KLHL1: variants seen among roughly 807,000 people sequenced by gnomAD.
The protein encoded by KLHL1 is kelch like family member 1, also known as kelch-like protein 1.
In KLHL1, 47 loss-of-function variants were observed where a neutral mutation model predicts 77.7. That is an observed-to-expected ratio of 0.60 (90% CI 0.48 to 0.77). KLHL1 has a LOEUF of 0.77. KLHL1 is among the 30% of genes least tolerant of loss of function. The pLI, the probability that KLHL1 is intolerant of heterozygous loss-of-function variation, is 0.00. For synonymous variants in KLHL1, 360 were observed against 325.2 expected (o/e 1.11, Z -1.15); for missense variants, 925 against 910.8 (o/e 1.02, Z -0.20).
intron 4 of KLHL1, among the ~76,000 whole-genome samples, chr13:69,923,220 A>G (rs1882701840): frequency 6.6e-6 from 1 of 152,240 alleles, no homozygotes; most frequent in Admixed American, 6.5e-5. Flanking sequence ...TCAAATAGAT[A>G]TAGTTCATTA....
chr13:69,785,589 A>G, intron 7 of KLHL1, among the ~76,000 whole-genome samples: 1 of 128,146 alleles, frequency 7.8e-6, no homozygotes, highest in African/African-American at 3.1e-5. Flanking sequence ...CTAAGATCAC[A>G]ATTAAAAACT....
At position 69,941,043 on chromosome 13, in the gene KLHL1, GTACAATTGTATA is replaced by G. The variant is rs1251874417; in HGVS notation, c.818-819_818-808del. On this transcript the variant is annotated intron_variant, in intron 3 of 10. Coordinates refer to ENST00000377844, the MANE Select transcript of KLHL1 (RefSeq NM_020866.3). ...TACAAGTTGTATAACTTGTATAATT[GTACAATTGTATA>G]TACAATTGTATATAATTGTATAACA... 2.6e-5 allele frequency among the ~76,000 whole-genome samples: 4 copies of G among 151,730 alleles called. 1 individual carries two copies. The South Asian group carries it at 6.2e-4, about 24-fold the overall frequency.
chr13:70,045,682 A>AGAGTTT (rs1886477668), intron 1 of KLHL1, among the ~76,000 whole-genome samples: 1 of 152,176 alleles, frequency 6.6e-6, no homozygotes, highest in African/African-American at 2.4e-5. Context: ...TTATAAACAC[A>AGAGTTT]TATGGAGTTT....
intron 1 of KLHL1, among the ~76,000 whole-genome samples, chr13:70,097,775 G>A (rs981936579): frequency 1.3e-5 from 2 of 151,776 alleles, no homozygotes; most frequent in African/African-American, 2.4e-5. Flanking sequence ...TGTTGGTGAT[G>A]TAAAAACTCG....
At chr13:69,740,028 C>A (rs917857625) in intron 8 of KLHL1, among the ~76,000 whole-genome samples, 29 of 152,052 alleles carry the variant, frequency 1.9e-4, no homozygotes, top group African/African-American at 7.0e-4. Context: ...GTTGAGAATT[C>A]TTGATTTAGA....
intron 5 of KLHL1, among the ~76,000 whole-genome samples, chr13:69,855,305 T>C (rs1414017126): frequency 2.9e-5 from 3 of 103,482 alleles, no homozygotes; most frequent in African/African-American, 1.2e-4. Context: ...GATAGATAGA[T>C]AGATAGATAG....
rs538479864 is a variant in KLHL1, at chr13:69,902,236, T to C, written c.1015-19741A>G. On this transcript the variant is annotated intron_variant, in intron 4 of 10. Transcript: ENST00000377844. The stretch of plus-strand genomic sequence containing the variant: ...TATGATCTGGAGATTTTTTAACTAA[T>C]GAAGTTTTAAATTTCTTTCATGTTT... 2.0e-5 allele frequency among the ~76,000 whole-genome samples: 3 copies of C among 152,312 alleles called. No homozygotes were observed. The South Asian group carries it at 6.2e-4, about 32-fold the overall frequency.
intron 1 of KLHL1, among the ~76,000 whole-genome samples, chr13:69,981,956 A>G (rs546014003): frequency 6.6e-6 from 1 of 152,196 alleles, no homozygotes; most frequent in South Asian, 2.1e-4. Context: ...TTTCAGAAAT[A>G]GGCAATATAA....
intron 7 of KLHL1, among the ~76,000 whole-genome samples, chr13:69,789,371 A>C (rs1469464337): frequency 1.3e-5 from 2 of 151,952 alleles, no homozygotes; most frequent in African/African-American, 4.8e-5. Flanking sequence ...ATTATTATTT[A>C]CTTTTTTTTT....
intron 10 of KLHL1, among the ~76,000 whole-genome samples, chr13:69,704,110 A>G (rs1189424722): frequency 2.0e-5 from 3 of 151,654 alleles, no homozygotes; most frequent in African/African-American, 7.2e-5. Context: ...TTAACTTTAT[A>G]TCTTCATCTA....
intron 9 of KLHL1, among the ~76,000 whole-genome samples, chr13:69,711,476 G>A (rs1340396913): frequency 6.6e-6 from 1 of 152,014 alleles, no homozygotes; most frequent in African/African-American, 2.4e-5. Context: ...AATCGAGAGT[G>A]ACAATAGTGT....
intron 7 of KLHL1, among the ~76,000 whole-genome samples, chr13:69,776,981 T>C (rs1404759132): frequency 6.6e-6 from 1 of 151,014 alleles, no homozygotes; most frequent in Non-Finnish European, 1.5e-5. Flanking sequence ...CACCCAAATC[T>C]CATCTTGAAT....
intron 1 of KLHL1, among the ~76,000 whole-genome samples, chr13:70,072,235 A>G (rs549531271): frequency 6.6e-5 from 10 of 152,242 alleles, no homozygotes; most frequent in Non-Finnish European, 1.3e-4. Context: ...ACAATTGACC[A>G]AAACTCACCC....
At chr13:69,978,025 A>T (rs947864525) in intron 1 of KLHL1, among the ~76,000 whole-genome samples, 7 of 152,134 alleles carry the variant, frequency 4.6e-5, no homozygotes, top group African/African-American at 1.4e-4. Context: ...TGAAATTAAT[A>T]CAAATTTTGC....
intron 1 of KLHL1, among the ~76,000 whole-genome samples, chr13:70,063,627 T>A (rs1446149074): frequency 2.6e-5 from 4 of 152,080 alleles, no homozygotes; most frequent in African/African-American, 9.7e-5. Context: ...AATTTCTGAT[T>A]TTACAATGCA....
At chr13:69,712,633 AC>A (rs1226221664) in intron 9 of KLHL1, among the ~76,000 whole-genome samples, 1 of 151,976 alleles carries the variant, frequency 6.6e-6, no homozygotes, top group Non-Finnish European at 1.5e-5. Flanking sequence ...GGAACTTAGG[AC>A]CCTTTTCACT....
At chr13:70,002,750 T>A (rs1345059623) in intron 1 of KLHL1, among the ~76,000 whole-genome samples, 1 of 151,632 alleles carries the variant, frequency 6.6e-6, no homozygotes, top group Non-Finnish European at 1.5e-5. Flanking sequence ...CTTGATGTCA[T>A]AAACTTCAAA....
intron 4 of KLHL1, chr13:69,894,481 A>C (rs1471763174): frequency 6.0e-6 from 1 of 166,654 alleles, no homozygotes; most frequent in Non-Finnish European, 1.3e-5. Flanking sequence ...GGCTGAATTT[A>C]TCTCTCACCA....
At chr13:69,847,220 C>T (rs1194629955) in intron 5 of KLHL1, among the ~76,000 whole-genome samples, 1 of 151,234 alleles carries the variant, frequency 6.6e-6, no homozygotes, top group Non-Finnish European at 1.5e-5. Flanking sequence ...ATGACATACA[C>T]TCTAATTTTA....
Sources: allele counts gnomAD v4.1 joint callset (sites outside exome capture counted in the v4.1 genomes callset), GRCh38; gene constraint gnomAD v4.1.1; transcripts MANE v1.5; gene names NCBI Gene and HGNC (gene_info 2026-07-23, HGNC 2026-07-21).